ATOSA: variants seen among roughly 807,000 people sequenced by gnomAD.
The protein encoded by ATOSA is atos homolog protein A.
At chr15:52,582,526 C>T in the ATOSA span, among the ~76,000 whole-genome samples, 15 of 152,212 alleles carry the variant, frequency 9.9e-5, no homozygotes, top group African/African-American at 3.4e-4. Context: ...TACTCCTTTT[C>T]CTTCCCTCAG....
the ATOSA span, chr15:52,608,464 T>C: frequency 2.9e-5 from 33 of 1,142,858 alleles, no homozygotes; most frequent in Middle Eastern, 8.7e-4. Context: ...GTGTGTCCTA[T>C]AGATAATGGA....
the ATOSA span, among the ~76,000 whole-genome samples, chr15:52,683,884 G>T: frequency 2.7e-3 from 413 of 152,172 alleles, 2 homozygotes; most frequent in South Asian, 0.018. Context: ...CAACTACTAT[G>T]GAAACCCTTC....
the ATOSA span, among the ~76,000 whole-genome samples, chr15:52,703,048 T>A: frequency 2.0e-5 from 3 of 152,130 alleles, no homozygotes; most frequent in East Asian, 5.8e-4. Context: ...ATGTAGTATA[T>A]CCACACAATA....
the ATOSA span, chr15:52,605,231 G>C: frequency 6.2e-7 from 1 of 1,603,862 alleles, no homozygotes; most frequent in South Asian, 1.1e-5. Flanking sequence ...ACATTTGAAT[G>C]TTTCAGTGTA....
At chr15:52,612,908 T>A in the ATOSA span, among the ~76,000 whole-genome samples, 2 of 151,580 alleles carry the variant, frequency 1.3e-5, no homozygotes, top group African/African-American at 4.9e-5. Flanking sequence ...TACACCAAAA[T>A]ATTTTGAACA....
chr15:52,601,447 A>G, the ATOSA span, among the ~76,000 whole-genome samples: 1 of 151,832 alleles, frequency 6.6e-6, no homozygotes, highest in Non-Finnish European at 1.5e-5. Flanking sequence ...TGGAATTCCA[A>G]TATATAATAT....
the ATOSA span, chr15:52,600,159 T>C: frequency 4.3e-6 from 7 of 1,609,760 alleles, no homozygotes; most frequent in East Asian, 2.2e-5. Context: ...AGACTTGTTA[T>C]AGGTGGAGCA....
chr15:52,700,340 T>C, the ATOSA span, among the ~76,000 whole-genome samples: 2 of 152,156 alleles, frequency 1.3e-5, no homozygotes, highest in Admixed American at 6.5e-5. Context: ...GACTGTAATA[T>C]ATAACCCACA....
chr15:52,610,379 T>C, the ATOSA span: 1 of 1,601,844 alleles, frequency 6.2e-7, no homozygotes, highest in African/African-American at 1.3e-5. Context: ...TCAGCAGCAC[T>C]GATTCTAGAA....
the ATOSA span, among the ~76,000 whole-genome samples, chr15:52,630,683 A>G: frequency 6.6e-6 from 1 of 152,204 alleles, no homozygotes; most frequent in Non-Finnish European, 1.5e-5. Flanking sequence ...TCCTAGGTAA[A>G]TAACCTAGAG....
the ATOSA span, among the ~76,000 whole-genome samples, chr15:52,626,410 G>A: frequency 6.6e-6 from 1 of 151,724 alleles, no homozygotes; most frequent in African/African-American, 2.4e-5. Context: ...TAAATAAAGT[G>A]TTTCAATGTT....
the ATOSA span, among the ~76,000 whole-genome samples, chr15:52,626,411 T>A: frequency 2.0e-5 from 3 of 152,104 alleles, no homozygotes; most frequent in Non-Finnish European, 2.9e-5. Flanking sequence ...AAATAAAGTG[T>A]TTCAATGTTC....
At chr15:52,625,564 T>G in the ATOSA span, among the ~76,000 whole-genome samples, 3 of 152,214 alleles carry the variant, frequency 2.0e-5, no homozygotes, top group South Asian at 4.1e-4. Context: ...TATCACAGAC[T>G]GACTTTTAAA....
At chr15:52,611,461 C>T in the ATOSA span, 1 of 1,244,326 alleles carries the variant, frequency 8.0e-7, no homozygotes, top group Admixed American at 2.6e-5. Flanking sequence ...TAAATACTAT[C>T]TCAATTTTAT....
the ATOSA span, chr15:52,613,545 T>C: frequency 2.6e-6 from 3 of 1,167,788 alleles, no homozygotes; most frequent in South Asian, 5.0e-5. Context: ...ATTTGGATTT[T>C]TTCCCTTTAT....
the ATOSA span, chr15:52,584,999 TCAGAATG>T: frequency 7.0e-7 from 1 of 1,418,574 alleles, no homozygotes. Context: ...TTGATGTGAT[TCAGAATG>T]ATTGTGCCAA....
chr15:52,674,100 G>A, the ATOSA span, among the ~76,000 whole-genome samples: 1 of 152,032 alleles, frequency 6.6e-6, no homozygotes, highest in African/African-American at 2.4e-5. Context: ...TTATTTTATA[G>A]GTCTTAATCT....
the ATOSA span, chr15:52,601,257 A>G: frequency 7.9e-6 from 6 of 764,150 alleles, no homozygotes; most frequent in South Asian, 1.9e-5. Flanking sequence ...AAATTTAAGC[A>G]TATCTTTGAA....
At chr15:52,638,190 T>C in the ATOSA span, among the ~76,000 whole-genome samples, 2 of 152,246 alleles carry the variant, frequency 1.3e-5, no homozygotes, top group Non-Finnish European at 2.9e-5. Flanking sequence ...TATTTTTCAC[T>C]TAATTTAGAA....
Sources: allele counts gnomAD v4.1 joint callset (sites outside exome capture counted in the v4.1 genomes callset), GRCh38; gene constraint gnomAD v4.1.1; transcripts MANE v1.5; gene names NCBI Gene and HGNC (gene_info 2026-07-23, HGNC 2026-07-21).